The following IL18R1 variants were observed in gnomAD, a reference collection of about 807,000 sequenced individuals.
The protein encoded by IL18R1 is interleukin-18 receptor 1.
A neutral mutation model predicts 48.5 loss-of-function variants in IL18R1; 40 were observed. The ratio of observed to expected loss-of-function variants is 0.82; its 90% CI spans 0.64 to 1.07. IL18R1 has a LOEUF of 1.07. Ranked by LOEUF, IL18R1 falls within the 50% of genes least tolerant of loss-of-function variation. IL18R1 has a pLI of 0.00. For missense variants in IL18R1, 596 were observed against 633.7 expected, an observed-to-expected ratio of 0.94 and a Z score of 0.64; for synonymous variants, 232 against 225.9, an observed-to-expected ratio of 1.03 and a Z score of -0.24.
Position 102,396,998 on chromosome 2 carries a change from T to C in IL18R1, c.*112T>C, listed in dbSNP as rs1006315513. On this transcript the variant is annotated 3_prime_UTR_variant, in exon 11 of 11. Coordinates refer to ENST00000233957, the MANE Select transcript of IL18R1 (RefSeq NM_003855.5). ...GAAATAATTAACTTTGTCAAAATCC[T>C]GCTCACAATTTGAAGATGAAACTTG... The C allele has an allele frequency of 3.0e-6, 2 of 670,636 alleles. No individual in the cohort carries two copies. Among genetic ancestry groups the C allele is most frequent in the Non-Finnish European group, 5.0e-6 (2 of 400,546 alleles). The allele number at this position is 670,636 out of a possible 1,614,324, so 41.5% of individuals were successfully genotyped here.
At chr2:102,360,140 G>T (rs938879302) in intron 1 of IL18R1, among the ~76,000 whole-genome samples, 2 of 152,198 alleles carry the variant, frequency 1.3e-5, no homozygotes, top group Non-Finnish European at 2.9e-5. Context: ...TCTGGTAAAT[G>T]ATAATATATC....
intron 6 of IL18R1, among the ~76,000 whole-genome samples, chr2:102,384,328 T>A (rs1298984550): frequency 6.6e-6 from 1 of 152,234 alleles, no homozygotes; most frequent in Non-Finnish European, 1.5e-5. Context: ...TCTGCAAGCC[T>A]GTGCAGCTGC....
intron 1 of IL18R1, among the ~76,000 whole-genome samples, chr2:102,356,672 C>T (rs1678268361): frequency 6.6e-6 from 1 of 152,194 alleles, no homozygotes; most frequent in Non-Finnish European, 1.5e-5. Flanking sequence ...TAAGTGCTTA[C>T]TGTGTGCCTG....
intron 9 of IL18R1, among the ~76,000 whole-genome samples, chr2:102,393,659 T>C (rs1012288027): frequency 1.4e-4 from 21 of 152,324 alleles, no homozygotes; most frequent in African/African-American, 5.1e-4. Flanking sequence ...CCCAACAATA[T>C]GCCATGCATA....
At chr2:102,396,477 C>A in intron 10 of IL18R1, 54 bp from the exon 11 acceptor site, 1 of 1,066,480 alleles carries the variant, frequency 9.4e-7, no homozygotes, top group Non-Finnish European at 1.4e-6. Flanking sequence ...ACTTTTATCT[C>A]ATGTTCCCCC....
intron 2 of IL18R1, among the ~76,000 whole-genome samples, chr2:102,365,919 C>T (rs1394468553): frequency 2.0e-5 from 3 of 152,152 alleles, no homozygotes; most frequent in Admixed American, 1.3e-4. Context: ...CACCAAATCC[C>T]TAGGCTGCAC....
At chr2:102,391,163 A>G (rs3860444) in intron 9 of IL18R1, among the ~76,000 whole-genome samples, 117,339 of 151,928 alleles carry the variant, frequency 0.77, 46,300 homozygotes, top group African/African-American at 0.89. Flanking sequence ...TTTTGCATGT[A>G]TGTGTTTGCA....
intron 5 of IL18R1, among the ~76,000 whole-genome samples, chr2:102,380,627 G>C (rs1449144164): frequency 6.6e-6 from 1 of 152,126 alleles, no homozygotes; most frequent in Non-Finnish European, 1.5e-5. Context: ...TCCTGTTCTT[G>C]CTCACATATC....
intron 3 of IL18R1, among the ~76,000 whole-genome samples, chr2:102,368,953 A>G (rs776433464): frequency 6.6e-6 from 1 of 152,214 alleles, no homozygotes; most frequent in Non-Finnish European, 1.5e-5. Context: ...AAACCTTGGT[A>G]GCACTTCTGT....
Position 102,357,662 on chromosome 2 carries a change from G to A in IL18R1, c.-29+1262G>A, listed in dbSNP as rs1198969354. On this transcript the variant is annotated intron_variant, in intron 1 of 10. Coordinates refer to ENST00000233957, the MANE Select transcript of IL18R1 (RefSeq NM_003855.5). ...GCAGTTGGAGAGCTTCCTTGAGAAG[G>A]CAAATACTGAGCCAAGTTGAAAGGA... 2.0e-5 allele frequency among the ~76,000 whole-genome samples: 3 copies of A among 152,078 alleles called. No homozygotes were observed. In the East Asian group the frequency reaches 5.8e-4, roughly 29 times the overall value.
In IL18R1 at chr2:102,364,808, G is replaced by A. The variant is rs537529057; in HGVS notation, c.58+2090G>A. On this transcript the variant is annotated intron_variant, in intron 2 of 10. Transcript: ENST00000233957. ...GAAGCTTACAATCATAGTGGAAGGG[G>A]AAGAAAACATATCCTTCTTCACATG... Among the ~76,000 whole-genome samples, 36 of 152,216 alleles carry A rather than the reference G, an allele frequency of 2.4e-4. No individual in the cohort carries two copies. In the Middle Eastern group the frequency reaches 0.01, roughly 43 times the overall value.
chr2:102,361,623 G>C (rs1409046165), intron 1 of IL18R1, among the ~76,000 whole-genome samples: 1 of 152,166 alleles, frequency 6.6e-6, no homozygotes. Flanking sequence ...GACCAAATAG[G>C]CTCTAAGACT....
Position 102,375,951 on chromosome 2 carries a change from A to G in IL18R1, c.513A>G (p.Ile171Met), listed in dbSNP as rs1364268109. 1.2e-6 allele frequency: 2 copies of G among 1,604,012 alleles called. No homozygotes were observed. The highest frequency in any genetic ancestry group is 2.3e-5 in the South Asian group (2 of 88,092). The change falls in exon 5 of 11, where the codon ATA becomes ATG. Residue 171 changes from isoleucine to methionine, a missense_variant. Around this residue, in one of 3 missense-constraint regions of IL18R1, gnomAD observed 360 missense variants for 339.4 expected, o/e 1.06. Coordinates refer to ENST00000233957, the MANE Select transcript of IL18R1 (RefSeq NM_003855.5). ...LLLENNKNPT[I>M]KKNAEFEDQG... is the part of the protein sequence containing the mutation. ...TGGAGAACAATAAAAACCCAACGAT[A>G]AAGAAGAACGCCGAGTTTGAAGATC...
At chr2:102,385,043 A>G (rs773707267) in intron 7 of IL18R1, 45 bp downstream of exon 7, 2 of 1,044,302 alleles carry the variant, frequency 1.9e-6, no homozygotes, top group East Asian at 2.7e-5. Context: ...CCATATAACA[A>G]TCATATATAT....
At chr2:102,394,954 C>T (rs1680747288) in intron 10 of IL18R1, among the ~76,000 whole-genome samples, 1 of 152,190 alleles carries the variant, frequency 6.6e-6, no homozygotes, top group African/African-American at 2.4e-5. Flanking sequence ...GTGAGAATAT[C>T]TGTACCACAG....
chr2:102,365,334 T>A (rs1051245615), intron 2 of IL18R1, among the ~76,000 whole-genome samples: 2 of 152,140 alleles, frequency 1.3e-5, no homozygotes, highest in Admixed American at 6.5e-5. Flanking sequence ...AGTTCTAAAT[T>A]TAATAGGGCA....
chr2:102,359,077 T>C (rs1678424604), intron 1 of IL18R1, among the ~76,000 whole-genome samples: 1 of 151,948 alleles, frequency 6.6e-6, no homozygotes, highest in Non-Finnish European at 1.5e-5. Flanking sequence ...AAAAGCATGC[T>C]GTGCTAGACT....
chr2:102,381,854 C>T (rs1409717142), intron 6 of IL18R1, among the ~76,000 whole-genome samples, 172 bp downstream of exon 6: 1 of 151,972 alleles, frequency 6.6e-6, no homozygotes, highest in Non-Finnish European at 1.5e-5. Flanking sequence ...CCACTTTTAA[C>T]CTGACTTAAA....
chr2:102,362,765 G>T, intron 2 of IL18R1, 47 bp downstream of exon 2: 1 of 1,260,564 alleles, frequency 7.9e-7, no homozygotes, highest in South Asian at 1.4e-5. Flanking sequence ...AGTAATTGAG[G>T]AAGAATGTCA....
Sources: allele counts gnomAD v4.1 joint callset (sites outside exome capture counted in the v4.1 genomes callset), GRCh38; gene constraint gnomAD v4.1.1; regional missense constraint gnomAD v4.1.1; transcripts MANE v1.5; gene names NCBI Gene and HGNC (gene_info 2026-07-23, HGNC 2026-07-21).